The following BICRA variants were observed in gnomAD, a reference collection of about 807,000 sequenced individuals.
The protein encoded by BICRA is BRD4-interacting chromatin-remodeling complex-associated protein.
BICRA carries 31 observed loss-of-function variants against 96.9 expected under a neutral mutation model. The observed-to-expected ratio is 0.32, with a 90% CI of 0.24 to 0.43. The LOEUF (loss-of-function observed/expected upper bound fraction) is 0.43, where lower values mean the gene tolerates loss of function less well. Among genes scored for constraint, BICRA ranks in the 20% least tolerant of loss-of-function variants. The pLI is 1.00. For synonymous variants in BICRA, 1,350 were observed against 1,071.8 expected, an observed-to-expected ratio of 1.26 and a Z score of -5.07; for missense variants, 2,283 against 2,190.3, an observed-to-expected ratio of 1.04 and a Z score of -0.84.
intron 1 of BICRA, among the ~76,000 whole-genome samples, chr19:47,619,216 AT>A (rs1165459196): frequency 3.2e-5 from 4 of 126,382 alleles, no homozygotes; most frequent in Non-Finnish European, 3.2e-5. Context: ...ATATATACAC[AT>A]TTTTTTTCCC....
chr19:47,651,745 C>T (rs1972543778), intron 1 of BICRA, among the ~76,000 whole-genome samples: 1 of 152,174 alleles, frequency 6.6e-6, no homozygotes, highest in South Asian at 2.1e-4. Context: ...AAGTCCCTGC[C>T]ACCCTCCAGG....
At chr19:47,670,145 T>C (rs1352452840) in intron 1 of BICRA, among the ~76,000 whole-genome samples, 3 of 150,612 alleles carry the variant, frequency 2.0e-5, no homozygotes, top group Non-Finnish European at 4.4e-5. Context: ...AGACAAGATC[T>C]CCCTGTGTTG....
intron 1 of BICRA, among the ~76,000 whole-genome samples, chr19:47,659,685 TAC>T (rs10567798): frequency 0.18 from 23,731 of 132,126 alleles, 1,956 homozygotes; most frequent in East Asian, 0.35. Context: ...TGGTGGTGCA[TAC>T]ACACACACAC....
chr19:47,630,159 C>CTTTT (rs778786532), intron 1 of BICRA, among the ~76,000 whole-genome samples: 13 of 103,448 alleles, frequency 1.3e-4, no homozygotes, highest in East Asian at 6.2e-4. Flanking sequence ...TTGGCCAATT[C>CTTTT]TTTTTTTTTT....
intron 1 of BICRA, among the ~76,000 whole-genome samples, chr19:47,647,461 A>C (rs1972476567): frequency 6.6e-6 from 1 of 152,150 alleles, no homozygotes; most frequent in African/African-American, 2.4e-5. Context: ...TCCTGTTGAT[A>C]GGATCTGGGT....
intron 1 of BICRA, among the ~76,000 whole-genome samples, chr19:47,618,909 C>T (rs1313105053): frequency 6.6e-6 from 1 of 152,212 alleles, no homozygotes; most frequent in Non-Finnish European, 1.5e-5. Flanking sequence ...AACTCTCGTC[C>T]ACCGTGTGAG....
chr19:47,629,601 C>T (rs1293010818), intron 1 of BICRA, among the ~76,000 whole-genome samples: 2 of 152,200 alleles, frequency 1.3e-5, no homozygotes, highest in African/African-American at 4.8e-5. Context: ...GTTGCTTACT[C>T]CTCTTGGCTA....
Position 47,681,170 on chromosome 19 carries a change from G to A in BICRA, c.2000G>A (p.Ser667Asn). The A allele has an allele frequency of 6.7e-7, 1 of 1,499,784 alleles. No homozygotes were observed. The highest frequency in any genetic ancestry group is 2.6e-5 in the East Asian group (1 of 38,510). 92.9% of individuals were successfully genotyped at this position (1,499,784 alleles called of 1,614,324 possible). ...APPQATTPQP[S>N]PGLASSPEKI... ...CCTCAGGCCACCACCCCCCAGCCCA[G>A]CCCTGGCCTGGCGTCTAGCCCGGAG... The change falls in exon 6 of 15, where the codon AGC (serine) becomes AAC (asparagine). Residue 667 changes from serine (S) to asparagine (N), a missense_variant. Coordinates refer to ENST00000594866, the MANE Select transcript of BICRA (RefSeq NM_001394372.1).
intron 1 of BICRA, among the ~76,000 whole-genome samples, chr19:47,652,220 A>G (rs1049953916): frequency 2.0e-5 from 3 of 152,028 alleles, no homozygotes; most frequent in Non-Finnish European, 2.9e-5. Flanking sequence ...TTTTGAGACA[A>G]GGTCACCCAG....
intron 1 of BICRA, among the ~76,000 whole-genome samples, chr19:47,661,139 G>A (rs1279040808): frequency 6.7e-6 from 1 of 149,488 alleles, no homozygotes; most frequent in Non-Finnish European, 1.5e-5. Flanking sequence ...GCGTGAACCC[G>A]GGAGGCAGAG....
chr19:47,643,769 G>A (rs1568555163), intron 1 of BICRA, among the ~76,000 whole-genome samples: 2 of 152,170 alleles, frequency 1.3e-5, no homozygotes, highest in Admixed American at 6.5e-5. Flanking sequence ...AAATGGCCCC[G>A]GAAGCATGGG....
chr19:47,681,846 T>A (rs1973066492), intron 6 of BICRA, 130 bp from the exon 7 acceptor site: 1 of 680,660 alleles, frequency 1.5e-6, no homozygotes, highest in Non-Finnish European at 2.4e-6. Flanking sequence ...CCTGGCACCC[T>A]GCCTGCCAGG....
chr19:47,673,695 A>C (rs1599841897), intron 3 of BICRA, 25 bp from the exon 4 acceptor site: 1 of 1,598,988 alleles, frequency 6.3e-7, no homozygotes, highest in South Asian at 1.1e-5. Context: ...TTACCTCCTC[A>C]GCGTCTCTTC....
At chr19:47,635,334 G>A (rs952597895) in intron 1 of BICRA, among the ~76,000 whole-genome samples, 3 of 149,958 alleles carry the variant, frequency 2.0e-5, no homozygotes, top group Admixed American at 1.3e-4. Context: ...TGCAACCTCC[G>A]CCTCCTGGGC....
chr19:47,675,944 C>T lies in BICRA; in HGVS notation c.150+28C>T. On this transcript the variant is annotated intron_variant, in intron 5 of 14. Transcript: ENST00000594866. This position sits in a 1 kb window ranked among gnomAD's most constrained non-coding sequence, Gnocchi z 4.7. ...AAGTGCCGTGGCTCCCGATCATTGC[C>T]TGAGCTGTTGGGGCTGCCAGCGGGA... 2 of 1,544,806 alleles carry T rather than the reference C, an allele frequency of 1.3e-6. No individual in the cohort carries two copies. The highest frequency in any genetic ancestry group is 1.8e-6 in the Non-Finnish European group (2 of 1,127,616).
chr19:47,682,178 C>T (rs1312638364), intron 7 of BICRA, 26 bp downstream of exon 7: 5 of 1,169,444 alleles, frequency 4.3e-6, no homozygotes, highest in Non-Finnish European at 6.0e-6. Context: ...CAGCCTGTGT[C>T]CGCAGCACAG....
intron 7 of BICRA, among the ~76,000 whole-genome samples, chr19:47,686,265 G>A (rs1474453853): frequency 6.6e-6 from 1 of 152,120 alleles, no homozygotes; most frequent in Non-Finnish European, 1.5e-5. Flanking sequence ...CCCAGGACAT[G>A]CATACATATA....
chr19:47,651,439 C>A (rs1344969566), intron 1 of BICRA, among the ~76,000 whole-genome samples: 1 of 152,096 alleles, frequency 6.6e-6, no homozygotes, highest in Non-Finnish European at 1.5e-5. Context: ...ACCTCCTGCA[C>A]ATCCTGTATG....
In BICRA at chr19:47,701,407, C is replaced by G. The variant is rs1426492683; in HGVS notation, c.3675C>G (p.Gly1225=). The G allele has an allele frequency of 3.8e-6, 6 of 1,599,918 alleles. No homozygotes were observed. The highest frequency in any genetic ancestry group is 5.1e-6 in the Non-Finnish European group (6 of 1,174,184). ...AGGGTCATCGGCTTCCCGGCCACGG[C>G]CCCCTGTCGTCTTCAGCTCCCGGGG... is the stretch of plus-strand genomic sequence containing the variant. ...SSEGHRLPGH[G]PLSSSAPGAS... is the part of the protein sequence containing the mutation. The change falls in exon 15 of 15, where the codon GGC becomes GGG. Residue 1225 remains glycine (G), a synonymous_variant. Transcript: ENST00000594866. The surrounding 1 kb of genome is among the most constrained non-coding windows in gnomAD (Gnocchi z 5.4).
Sources: gnomAD v4.1 joint callset for allele counts (sites outside exome capture counted in the v4.1 genomes callset) on GRCh38, gnomAD v4.1.1 for gene constraint, Gnocchi (gnomAD v3.1) non-coding constraint, MANE v1.5 for transcripts, NCBI Gene and HGNC (gene_info 2026-07-23, HGNC 2026-07-21) for gene names.